Variants in OR3A2 observed in about 807,000 individuals in gnomAD.
OR3A2 encodes the protein olfactory receptor 3A2.
For synonymous variants in OR3A2, 126 were observed against 159.3 expected, an observed-to-expected ratio of 0.79 and a Z score of 1.57; for missense variants, 318 against 392.8, an observed-to-expected ratio of 0.81 and a Z score of 1.61.
At chr17:3,378,439 C>G (rs1456866604) in intron 2 of OR3A2, among the ~76,000 whole-genome samples, 1 of 152,208 alleles carries the variant, frequency 6.6e-6, no homozygotes, top group African/African-American at 2.4e-5. Context: ...GCAGAGCAGG[C>G]ACTTTCAAGC....
chr17:3,339,231 C>T (rs987855122), intron 2 of OR3A2, among the ~76,000 whole-genome samples: 16 of 152,296 alleles, frequency 1.1e-4, no homozygotes, highest in Middle Eastern at 3.4e-3. Flanking sequence ...ACTTTTACTT[C>T]CTCTTTTCCC....
At chr17:3,338,414 T>C (rs1427775992) in intron 2 of OR3A2, among the ~76,000 whole-genome samples, 1 of 152,208 alleles carries the variant, frequency 6.6e-6, no homozygotes, top group Non-Finnish European at 1.5e-5. Flanking sequence ...GGCCTAATAT[T>C]TAAGTCTTTA....
At chr17:3,341,528 A>T (rs1290668161) in intron 2 of OR3A2, among the ~76,000 whole-genome samples, 1 of 152,110 alleles carries the variant, frequency 6.6e-6, no homozygotes, top group Non-Finnish European at 1.5e-5. Context: ...TATGAAGCTT[A>T]GTTTGGCTAG....
chr17:3,385,115 A>G (rs2049767142), intron 1 of OR3A2, among the ~76,000 whole-genome samples: 1 of 152,128 alleles, frequency 6.6e-6, no homozygotes, highest in Non-Finnish European at 1.5e-5. Flanking sequence ...AATTGCTTGA[A>G]CCCAGGAGGC....
chr17:3,377,645 G>C (rs1441600654), intron 2 of OR3A2: 1 of 152,388 alleles, frequency 6.6e-6, no homozygotes, highest in South Asian at 2.1e-4. Flanking sequence ...CCATTGACCA[G>C]GGAGATGACA....
At chr17:3,302,795 T>C (rs572194853) in intron 3 of OR3A2, among the ~76,000 whole-genome samples, 152 of 152,286 alleles carry the variant, frequency 1.0e-3, no homozygotes, top group African/African-American at 3.3e-3. Context: ...GTGCCTGGTA[T>C]CTGTCATGCA....
At chr17:3,384,973 C>T (rs1304626216) in intron 1 of OR3A2, among the ~76,000 whole-genome samples, 1 of 152,110 alleles carries the variant, frequency 6.6e-6, no homozygotes, top group African/African-American at 2.4e-5. Flanking sequence ...GGGTGGATCA[C>T]CTGAGATCGG....
intron 2 of OR3A2, among the ~76,000 whole-genome samples, chr17:3,340,246 G>GTC (rs1555528489): frequency 6.6e-6 from 1 of 151,958 alleles, no homozygotes; most frequent in Non-Finnish European, 1.5e-5. Flanking sequence ...TTTTTGAAGG[G>GTC]TTTTTTGTGT....
intron 3 of OR3A2, among the ~76,000 whole-genome samples, chr17:3,321,854 G>A (rs1416580822): frequency 6.6e-6 from 1 of 152,074 alleles, no homozygotes; most frequent in Admixed American, 6.6e-5. Context: ...TTGTGGTTGT[G>A]TCTCTGCCAG....
intron 2 of OR3A2, among the ~76,000 whole-genome samples, chr17:3,376,037 T>C (rs1435516810): frequency 6.6e-6 from 1 of 152,146 alleles, no homozygotes. Flanking sequence ...GAGTGCTTGG[T>C]TGTAGTTTGG....
At chr17:3,339,923 G>C (rs1805705637) in intron 2 of OR3A2, among the ~76,000 whole-genome samples, 1 of 152,008 alleles carries the variant, frequency 6.6e-6, no homozygotes, top group Non-Finnish European at 1.5e-5. Flanking sequence ...TGGTTGGTAG[G>C]CTATTAATTA....
intron 2 of OR3A2, among the ~76,000 whole-genome samples, chr17:3,367,664 T>C (rs2049576834): frequency 6.7e-6 from 1 of 150,094 alleles, no homozygotes; most frequent in Non-Finnish European, 1.5e-5. Context: ...GGCACTTAGA[T>C]TGGTTCCATA....
chr17:3,353,083 G>C (rs538968913), intron 2 of OR3A2, among the ~76,000 whole-genome samples: 2 of 148,460 alleles, frequency 1.3e-5, no homozygotes, highest in East Asian at 3.9e-4. Flanking sequence ...TGTTGATGCT[G>C]TATCCTGCAA....
At position 3,371,803 on chromosome 17, in the gene OR3A2, G is replaced by C. The variant is rs1246819094; in HGVS notation, c.-179+12001C>G. ...GAGGCGCCCCTCACCTCCTGGCCGG[G>C]GCGGCTGGCCGGGCGGGGGGCTGAC... On this transcript the variant is annotated intron_variant, in intron 2 of 4. Transcript: ENST00000573491. Among the ~76,000 whole-genome samples the C allele has an allele frequency of 2.3e-4, 32 of 138,616 alleles. 1 individual carries two copies. In the East Asian group the frequency reaches 6.8e-3, roughly 30 times the overall value. The allele number at this position is 138,616 out of a possible 152,430, so 90.9% of individuals were successfully genotyped here. A position where few individuals can be genotyped will look rare whatever the true frequency, so the allele number is the denominator to read the frequency against.
chr17:3,345,922 G>A (rs1164364961), intron 2 of OR3A2, among the ~76,000 whole-genome samples: 1 of 152,162 alleles, frequency 6.6e-6, no homozygotes, highest in East Asian at 1.9e-4. Flanking sequence ...TGACAGAAGA[G>A]TCTACAAGCT....
In OR3A2 at chr17:3,326,357, GA is replaced by G. The variant is rs1280426390; in HGVS notation, c.-85+9675del. ...AAAACCCCAAACTATAAAAACCATA[GA>G]AGAAAATCTAGGCAATACCATTCAG... On this transcript the variant is annotated intron_variant, in intron 3 of 4. Transcript: ENST00000573491. 7.9e-5 allele frequency among the ~76,000 whole-genome samples: 12 copies of G among 152,098 alleles called. No individual in the cohort carries two copies. The South Asian group carries it at 2.5e-3, about 32-fold the overall frequency.
chr17:3,375,595 C>G (rs1404414381), intron 2 of OR3A2, among the ~76,000 whole-genome samples: 1 of 152,114 alleles, frequency 6.6e-6, no homozygotes. Context: ...AGCCACCGTG[C>G]CTGGCCCAGT....
intron 2 of OR3A2, among the ~76,000 whole-genome samples, chr17:3,342,618 C>T (rs904178524): frequency 6.6e-6 from 1 of 152,210 alleles, no homozygotes; most frequent in African/African-American, 2.4e-5. Flanking sequence ...TATTGCAGAA[C>T]AGCAAATATT....
intron 2 of OR3A2, among the ~76,000 whole-genome samples, chr17:3,355,950 A>G (rs930369864): frequency 1.3e-5 from 2 of 149,778 alleles, no homozygotes; most frequent in Non-Finnish European, 3.0e-5. Context: ...TGCTCTGGTG[A>G]TATCATTTAA....
Sources: gnomAD v4.1 joint callset for allele counts (sites outside exome capture counted in the v4.1 genomes callset) on GRCh38, gnomAD v4.1.1 for gene constraint, MANE v1.5 for transcripts, NCBI Gene and HGNC (gene_info 2026-07-23, HGNC 2026-07-21) for gene names.